Variants in TNR observed in about 807,000 individuals in gnomAD.
The protein encoded by TNR is tenascin-R.
TNR carries 45 observed loss-of-function variants against 150.4 expected under a neutral mutation model. The ratio of observed to expected loss-of-function variants is 0.30; its 90% CI spans 0.24 to 0.38. The LOEUF (loss-of-function observed/expected upper bound fraction) is 0.38. TNR is among the 10% of genes least tolerant of loss of function. The pLI, the probability that TNR is intolerant of heterozygous loss-of-function variation, is 1.00. For missense variants in TNR, 1,544 were observed against 1,759.1 expected, an observed-to-expected ratio of 0.88 and a Z score of 2.19; for synonymous variants, 687 against 678.4, an observed-to-expected ratio of 1.01 and a Z score of -0.20.
At chr1:175,433,297 A>C (rs1265014661) in intron 2 of TNR, among the ~76,000 whole-genome samples, 1 of 152,172 alleles carries the variant, frequency 6.6e-6, no homozygotes, top group Non-Finnish European at 1.5e-5. Flanking sequence ...TGATTCACTA[A>C]CCTCATCAAA....
At chr1:175,723,479 C>T (rs1433312093) in intron 1 of TNR, among the ~76,000 whole-genome samples, 1 of 152,180 alleles carries the variant, frequency 6.6e-6, no homozygotes, top group African/African-American at 2.4e-5. Context: ...AGACTCTATC[C>T]TTGCTCTTTT....
In TNR at chr1:175,318,814, TG is replaced by T. The variant is rs1331623914; in HGVS notation, c.*4542del. On this transcript the variant is annotated 3_prime_UTR_variant, in exon 23 of 23. Transcript: ENST00000367674. ...AGCTGAGTATGCAGCTCCTGGCATC[TG>T]GGTGGGAGGCAGACTCCCAGACTTC... is the stretch of plus-strand genomic sequence containing the variant. 6.6e-6 allele frequency: 1 copy of T among 152,180 alleles called. No homozygotes were observed. The highest frequency in any genetic ancestry group is 2.4e-5 in the African/African-American group (1 of 41,444). 9.4% of individuals were successfully genotyped at this position (152,180 alleles called of 1,614,324 possible). A position where few individuals can be genotyped will look rare whatever the true frequency, so the allele number is the denominator to read the frequency against.
intron 1 of TNR, among the ~76,000 whole-genome samples, chr1:175,586,241 G>A (rs1662564273): frequency 6.6e-6 from 1 of 152,142 alleles, no homozygotes; most frequent in African/African-American, 2.4e-5. Context: ...GTAGTCAGGA[G>A]GAATCCTATC....
chr1:175,465,168 C>T (rs1344503160), intron 2 of TNR, among the ~76,000 whole-genome samples: 4 of 152,216 alleles, frequency 2.6e-5, no homozygotes, highest in African/African-American at 4.8e-5. Flanking sequence ...TTAAAAAGCT[C>T]GGCCAGCCTA....
At chr1:175,698,000 C>T (rs1464791778) in intron 1 of TNR, among the ~76,000 whole-genome samples, 2 of 152,240 alleles carry the variant, frequency 1.3e-5, no homozygotes, top group Non-Finnish European at 2.9e-5. Flanking sequence ...TTCTTGCCTT[C>T]TCCACTAAAA....
At chr1:175,511,710 T>G (rs1571543364) in intron 2 of TNR, among the ~76,000 whole-genome samples, 1 of 152,224 alleles carries the variant, frequency 6.6e-6, no homozygotes, top group Non-Finnish European at 1.5e-5. Context: ...TTGTGAGTCA[T>G]GGAGCCACTA....
At chr1:175,614,441 T>A (rs1663703565) in intron 1 of TNR, among the ~76,000 whole-genome samples, 1 of 152,220 alleles carries the variant, frequency 6.6e-6, no homozygotes, top group African/African-American at 2.4e-5. Flanking sequence ...GAGGTATGCC[T>A]AGCAGACACT....
At chr1:175,428,742 G>T (rs938538145) in intron 2 of TNR, among the ~76,000 whole-genome samples, 2 of 152,154 alleles carry the variant, frequency 1.3e-5, no homozygotes, top group African/African-American at 4.8e-5. Flanking sequence ...TGAATTTCAA[G>T]CTTTTTTCCC....
chr1:175,331,005 C>CTT (rs1466794632), intron 20 of TNR, among the ~76,000 whole-genome samples: 4 of 38,960 alleles, frequency 1.0e-4, no homozygotes, highest in African/African-American at 4.0e-4. Flanking sequence ...GTGATTCTTT[C>CTT]TTTCTTTCTT....
At position 175,526,964 on chromosome 1, in the gene TNR, C is replaced by T. The variant is rs560906781; in HGVS notation, c.-64+1305G>A. Reference sequence around the variant, plus strand: ...AGGCTTGGCCGGGAAAGATGGACTGCCCTCTGTGCCAGGAGGTGGCTTTGA... The same window carrying T: ...AGGCTTGGCCGGGAAAGATGGACTGTCCTCTGTGCCAGGAGGTGGCTTTGA... On this transcript the variant is annotated intron_variant, in intron 2 of 22. Transcript: ENST00000367674. Among the ~76,000 whole-genome samples, 8 of 152,320 alleles carry T rather than the reference C, an allele frequency of 5.3e-5. No individual in the cohort carries two copies. In the South Asian group the frequency reaches 8.3e-4, roughly 16 times the overall value.
intron 1 of TNR, among the ~76,000 whole-genome samples, chr1:175,732,194 A>G (rs1025258944): frequency 6.6e-6 from 1 of 152,198 alleles, no homozygotes; most frequent in Non-Finnish European, 1.5e-5. Flanking sequence ...TCTGCCTTCC[A>G]TATTCCTGCC....
intron 2 of TNR, among the ~76,000 whole-genome samples, chr1:175,467,616 C>T (rs1199634722): frequency 1.3e-5 from 2 of 152,218 alleles, no homozygotes; most frequent in Admixed American, 1.3e-4. Context: ...AGTCTTGAGG[C>T]CACCTGGACC....
At chr1:175,553,315 G>A (rs1362619233) in intron 1 of TNR, among the ~76,000 whole-genome samples, 2 of 152,154 alleles carry the variant, frequency 1.3e-5, no homozygotes, top group African/African-American at 2.4e-5. Context: ...TCCACCCTCA[G>A]ACTCCTTGGA....
intron 1 of TNR, among the ~76,000 whole-genome samples, chr1:175,617,989 A>G (rs1169529511): frequency 6.6e-6 from 1 of 152,192 alleles, no homozygotes; most frequent in Admixed American, 6.5e-5. Flanking sequence ...TTCAAACTTG[A>G]CTTCCTGCAT....
At chr1:175,612,032 G>A (rs1039552769) in intron 1 of TNR, among the ~76,000 whole-genome samples, 2 of 152,112 alleles carry the variant, frequency 1.3e-5, no homozygotes, top group African/African-American at 4.8e-5. Context: ...TTCACAGACT[G>A]GAATATAAGG....
chr1:175,470,438 G>T (rs147877606), intron 2 of TNR, among the ~76,000 whole-genome samples: 2 of 152,142 alleles, frequency 1.3e-5, no homozygotes, highest in African/African-American at 4.8e-5. Flanking sequence ...GAGCAGAAGT[G>T]TGCCTCCTCC....
rs1663173494 is a variant in TNR, at chr1:175,599,980, A to G, written c.-164-71611T>C. ...ATGATAGAGTAAAATCCCTTGCAGG[A>G]CTTCCATTCGACTGCACGCCTACTT... On this transcript the variant is annotated intron_variant, in intron 1 of 22. Coordinates refer to ENST00000367674, the MANE Select transcript of TNR (RefSeq NM_003285.3). This position sits in a 1 kb window ranked among gnomAD's most constrained non-coding sequence, Gnocchi z 4.7. Among the ~76,000 whole-genome samples, 1 of 152,214 alleles carries G rather than the reference A, an allele frequency of 6.6e-6. No individual in the cohort carries two copies. The highest frequency in any genetic ancestry group is 1.5e-5 in the Non-Finnish European group (1 of 68,030).
At chr1:175,402,103 C>G (rs928504479) in intron 4 of TNR, among the ~76,000 whole-genome samples, 1 of 151,024 alleles carries the variant, frequency 6.6e-6, no homozygotes, top group East Asian at 1.9e-4. Context: ...GTCAGGAGAT[C>G]GAGACCATCC....
At chr1:175,660,277 A>G (rs2101896148) in intron 1 of TNR, among the ~76,000 whole-genome samples, 1 of 152,268 alleles carries the variant, frequency 6.6e-6, no homozygotes, top group Admixed American at 6.5e-5. Context: ...TGACTCTACC[A>G]TTTTGTCTTG....
Sources: allele counts gnomAD v4.1 joint callset (sites outside exome capture counted in the v4.1 genomes callset), GRCh38; gene constraint gnomAD v4.1.1; non-coding constraint Gnocchi (gnomAD v3.1); transcripts MANE v1.5; gene names NCBI Gene and HGNC (gene_info 2026-07-23, HGNC 2026-07-21).